The following GPM6A variants were observed in gnomAD, a reference collection of about 807,000 sequenced individuals.
GPM6A encodes the protein glycoprotein M6A, also known as neuronal membrane glycoprotein M6-a.
Under a neutral mutation model 32.1 loss-of-function variants are expected in GPM6A, and 7 were observed. The observed-to-expected ratio is 0.22, with a 90% CI of 0.12 to 0.41. GPM6A has a LOEUF of 0.41. Ranked by LOEUF, GPM6A falls within the 10% of genes least tolerant of loss-of-function variation. The probability of loss-of-function intolerance (pLI) is 1.00; values close to 1 mark genes in which losing one functional copy is unlikely to be tolerated. For missense variants in GPM6A, 235 were observed against 347.2 expected (o/e 0.68, Z 2.57); for synonymous variants, 130 against 123.4 (o/e 1.05, Z -0.35).
intron 2 of GPM6A, among the ~76,000 whole-genome samples, chr4:175,692,547 TG>T (rs1327729804): frequency 2.0e-5 from 3 of 152,180 alleles, no homozygotes; most frequent in Non-Finnish European, 4.4e-5. Context: ...CACATTTTGC[TG>T]TAGATGTAGC....
chr4:175,637,625 TTA>T (rs59303387), intron 6 of GPM6A, among the ~76,000 whole-genome samples: 26,131 of 55,254 alleles, frequency 0.47, 5,273 homozygotes, highest in Non-Finnish European at 0.55. Flanking sequence ...ATAATATATA[TTA>T]TATATATATT....
At chr4:175,724,234 C>T (rs1746287651) in intron 1 of GPM6A, among the ~76,000 whole-genome samples, 1 of 152,164 alleles carries the variant, frequency 6.6e-6, no homozygotes, top group Admixed American at 6.6e-5. Context: ...TGATCTTACT[C>T]ATATGTGGAA....
At chr4:175,746,485 T>C (rs1165478018) in intron 1 of GPM6A, among the ~76,000 whole-genome samples, 1 of 152,014 alleles carries the variant, frequency 6.6e-6, no homozygotes, top group African/African-American at 2.4e-5. Flanking sequence ...TAAAATCTAA[T>C]TTTTTTTAAA....
chr4:175,973,022 T>C (rs1363735225), intron 1 of GPM6A, among the ~76,000 whole-genome samples: 4 of 152,154 alleles, frequency 2.6e-5, no homozygotes, highest in Non-Finnish European at 4.4e-5. Context: ...GCTATGTCAA[T>C]GAAAACAAAG....
chr4:175,861,997 T>G (rs1736590007), intron 1 of GPM6A, among the ~76,000 whole-genome samples: 1 of 152,172 alleles, frequency 6.6e-6, no homozygotes, highest in Non-Finnish European at 1.5e-5. Flanking sequence ...AATCTAAAAT[T>G]ACCATTTGTA....
chr4:175,823,134 G>A (rs1049137446), intron 1 of GPM6A, among the ~76,000 whole-genome samples: 1 of 152,070 alleles, frequency 6.6e-6, no homozygotes, highest in African/African-American at 2.4e-5. Context: ...CTTTCTCAAG[G>A]CTACGCAGCT....
intron 1 of GPM6A, among the ~76,000 whole-genome samples, chr4:175,893,579 CT>C (rs555782538): frequency 1.7e-4 from 26 of 152,230 alleles, no homozygotes; most frequent in African/African-American, 6.0e-4. Context: ...CCTCCAGCAC[CT>C]TCATGGGGTC....
At chr4:175,842,501 G>C (rs73008143) in intron 1 of GPM6A, among the ~76,000 whole-genome samples, 9,174 of 152,048 alleles carry the variant, frequency 0.06, 894 homozygotes, top group African/African-American at 0.21. Context: ...GGCGGGAGAC[G>C]TGCTTGAGTC....
At chr4:175,790,072 T>A (rs753243566) in intron 1 of GPM6A, among the ~76,000 whole-genome samples, 9 of 152,240 alleles carry the variant, frequency 5.9e-5, no homozygotes, top group Non-Finnish European at 8.8e-5. Flanking sequence ...AATTTTTAAA[T>A]ATCTAGCTTT....
At chr4:175,681,254 G>A (rs1743671294) in intron 2 of GPM6A, among the ~76,000 whole-genome samples, 2 of 152,178 alleles carry the variant, frequency 1.3e-5, no homozygotes, top group African/African-American at 4.8e-5. Context: ...ATCCTCAACA[G>A]AAGAAAGCAT....
intron 3 of GPM6A, among the ~76,000 whole-genome samples, chr4:175,660,511 C>T (rs1465860790): frequency 6.6e-6 from 1 of 151,946 alleles, no homozygotes; most frequent in Non-Finnish European, 1.5e-5. Flanking sequence ...ACTAGACATA[C>T]TCTTGGCTTG....
chr4:175,799,671 C>CTTTTTTTTTCT (rs1734386053), intron 1 of GPM6A, among the ~76,000 whole-genome samples: 1 of 122,098 alleles, frequency 8.2e-6, no homozygotes, highest in Admixed American at 9.0e-5. Flanking sequence ...CAAGTGTTTT[C>CTTTTTTTTTCT]TTTTTTTTTT....
chr4:175,931,161 T>G (rs1289854665), intron 1 of GPM6A, among the ~76,000 whole-genome samples: 1 of 152,158 alleles, frequency 6.6e-6, no homozygotes, highest in African/African-American at 2.4e-5. Flanking sequence ...AACTTATTTC[T>G]CATATCTCAA....
At chr4:175,658,820 A>G (rs73875111) in intron 3 of GPM6A, among the ~76,000 whole-genome samples, 4,274 of 152,300 alleles carry the variant, frequency 0.028, 78 homozygotes, top group Non-Finnish European at 0.038. Context: ...AATACGATCT[A>G]AGTGTTCACT....
intron 1 of GPM6A, among the ~76,000 whole-genome samples, chr4:175,899,764 T>A (rs1737896846): frequency 6.9e-6 from 1 of 144,708 alleles, no homozygotes; most frequent in Non-Finnish European, 1.6e-5. Context: ...CGACAATGAA[T>A]CTACCACAAA....
intron 1 of GPM6A, among the ~76,000 whole-genome samples, chr4:175,717,966 T>C (rs1473927847): frequency 1.3e-5 from 2 of 152,188 alleles, no homozygotes; most frequent in Non-Finnish European, 1.5e-5. Flanking sequence ...TATAAAATTT[T>C]GTAAAATTGC....
At chr4:175,905,087 G>A (rs1037588519) in intron 1 of GPM6A, among the ~76,000 whole-genome samples, 1 of 152,122 alleles carries the variant, frequency 6.6e-6, no homozygotes, top group Non-Finnish European at 1.5e-5. Flanking sequence ...GGGATACACA[G>A]CATTTTAACA....
chr4:175,931,281 C>T (rs552704016), intron 1 of GPM6A, among the ~76,000 whole-genome samples: 5 of 152,246 alleles, frequency 3.3e-5, no homozygotes, highest in African/African-American at 1.2e-4. Context: ...CTACTAAAGT[C>T]TAAGCCACAG....
chr4:175,675,128 C>T (rs1401498179), intron 2 of GPM6A, among the ~76,000 whole-genome samples: 1 of 151,924 alleles, frequency 6.6e-6, no homozygotes. Flanking sequence ...GTTTTGAAAA[C>T]ATTCATTCCA....
Sources: allele counts gnomAD v4.1 joint callset (sites outside exome capture counted in the v4.1 genomes callset), GRCh38; gene constraint gnomAD v4.1.1; transcripts MANE v1.5; gene names NCBI Gene and HGNC (gene_info 2026-07-23, HGNC 2026-07-21).